Variants in GYG2 observed in about 807,000 individuals in gnomAD.
The protein encoded by GYG2 is glycogenin-2.
GYG2 carries 29 observed loss-of-function variants against 29.4 expected under a neutral mutation model. That is an observed-to-expected ratio of 0.99 (90% confidence interval 0.74 to 1.35). GYG2 has a LOEUF of 1.35. Among genes scored for constraint, GYG2 ranks in the 40% most tolerant of loss-of-function variants. The pLI, the probability that GYG2 is intolerant of heterozygous loss-of-function variation, is 0.00. For synonymous variants in GYG2, 167 were observed against 172.3 expected (o/e 0.97, Z 0.24); for missense variants, 370 against 385.7 (o/e 0.96, Z 0.34).
intron 8 of GYG2, among the ~76,000 whole-genome samples, chrX:2,866,265 CA>C (rs1344285520): frequency 1.8e-5 from 2 of 111,904 alleles, no homozygotes; most frequent in Non-Finnish European, 3.8e-5. Context: ...GAGGCTGAGG[CA>C]GGATGATTGC....
intron 2 of GYG2, among the ~76,000 whole-genome samples, chrX:2,831,963 C>T (rs2087273416): frequency 8.9e-6 from 1 of 112,345 alleles, no homozygotes; most frequent in Non-Finnish European, 1.9e-5. Flanking sequence ...CACTCCATGC[C>T]GTTGCTGAAA....
chrX:2,845,105 ACG>A (rs2087652828), intron 3 of GYG2, among the ~76,000 whole-genome samples: 3 of 78,141 alleles, frequency 3.8e-5, no homozygotes, highest in Admixed American at 2.9e-4. Context: ...ATTTATATAC[ACG>A]TGTGTATGTA....
At chrX:2,858,626 A>G (rs1254651210) in intron 6 of GYG2, among the ~76,000 whole-genome samples, 1 of 112,212 alleles carries the variant, frequency 8.9e-6, no homozygotes, top group Non-Finnish European at 1.9e-5. Flanking sequence ...GAATAATTCT[A>G]GAGTCTGCAT....
intron 4 of GYG2, 78 bp from the exon 5 acceptor site, chrX:2,854,915 G>T: frequency 8.9e-7 from 1 of 1,117,691 alleles, no homozygotes; most frequent in South Asian, 2.0e-5. Flanking sequence ...CTGGGCGACA[G>T]AGCAAGACTC....
chrX:2,831,101 G>A (rs1022901732), intron 2 of GYG2, among the ~76,000 whole-genome samples: 3 of 112,805 alleles, frequency 2.7e-5, no homozygotes, highest in Non-Finnish European at 5.6e-5. Context: ...TGTGAACAGA[G>A]TGTAACCTCT....
chrX:2,853,274 G>A (rs5939361), intron 3 of GYG2, among the ~76,000 whole-genome samples: 16,320 of 110,607 alleles, frequency 0.15, 984 homozygotes, highest in Admixed American at 0.26. Context: ...GCAGTGGTGC[G>A]ATCTCAGGTC....
chrX:2,868,797 C>A (rs1291396543), intron 8 of GYG2, among the ~76,000 whole-genome samples: 1 of 110,902 alleles, frequency 9.0e-6, no homozygotes, highest in Non-Finnish European at 1.9e-5. Context: ...TGTAACAAAC[C>A]TGCACATCCT....
intron 10 of GYG2, chrX:2,878,042 G>A: frequency 2.7e-6 from 2 of 744,347 alleles, no homozygotes; most frequent in Non-Finnish European, 3.2e-6. Context: ...TTCAAATGCA[G>A]CATTTTGAAC....
At chrX:2,852,612 G>T (rs957542746) in intron 3 of GYG2, 1 of 112,018 alleles carries the variant, frequency 8.9e-6, no homozygotes, top group African/African-American at 3.2e-5. Context: ...GATAGAGATT[G>T]TTATGGACAT....
intron 8 of GYG2, among the ~76,000 whole-genome samples, chrX:2,863,858 T>C (rs1380337878): frequency 1.8e-5 from 2 of 111,581 alleles, no homozygotes; most frequent in African/African-American, 3.3e-5. Context: ...ATTCCATCAG[T>C]GGAGCCCTTA....
intron 8 of GYG2, among the ~76,000 whole-genome samples, chrX:2,865,198 C>A (rs185739649): frequency 3.2e-4 from 36 of 111,447 alleles, no homozygotes; most frequent in African/African-American, 1.1e-3. Context: ...TGTCACAGCC[C>A]CTGAAAACAA....
chrX:2,871,993 G>T (rs1476464926), intron 8 of GYG2, among the ~76,000 whole-genome samples: 2 of 111,962 alleles, frequency 1.8e-5, no homozygotes, highest in African/African-American at 3.2e-5. Flanking sequence ...GGAACATTCT[G>T]TGTCTGCTGT....
At position 2,859,958 on chromosome X, in the gene GYG2, C is replaced by T; in HGVS notation, c.730C>T (p.His244Tyr). Reference protein sequence around the residue: ...LEQGSASSSQHQAAFLHLWWT... With the variant: ...LEQGSASSSQYQAAFLHLWWT... Reference sequence around the variant, plus strand: ...GCAAGGCTCAGCGTCCAGCAGCCAGCACCAGGCGGCATTCCTTCATCTCTG... The same window carrying T: ...GCAAGGCTCAGCGTCCAGCAGCCAGTACCAGGCGGCATTCCTTCATCTCTG... The change falls in exon 7 of 11, where the codon CAC (histidine) becomes TAC (tyrosine). Residue 244 changes from histidine (H) to tyrosine (Y), a missense_variant. Transcript: ENST00000398806. The T allele has an allele frequency of 8.3e-7, 1 of 1,199,866 alleles. No homozygotes were observed. Among genetic ancestry groups the T allele is most frequent in the Non-Finnish European group, 1.1e-6 (1 of 885,796 alleles).
chrX:2,839,699 G>T (rs756501614), intron 2 of GYG2, among the ~76,000 whole-genome samples: 1 of 111,414 alleles, frequency 9.0e-6, no homozygotes, highest in South Asian at 3.8e-4. Context: ...GATAGAGGTG[G>T]TGGATGTGCA....
chrX:2,840,852 A>T (rs1287867463), intron 2 of GYG2, among the ~76,000 whole-genome samples: 2 of 111,686 alleles, frequency 1.8e-5, no homozygotes, highest in Non-Finnish European at 3.8e-5. Context: ...GATAATAGAG[A>T]TACATGATAG....
At chrX:2,849,982 T>C (rs985970235) in intron 3 of GYG2, among the ~76,000 whole-genome samples, 7 of 110,965 alleles carry the variant, frequency 6.3e-5, no homozygotes, top group Admixed American at 4.8e-4. Flanking sequence ...CTGAGTGCAG[T>C]GGCACATGCC....
intron 7 of GYG2, among the ~76,000 whole-genome samples, chrX:2,860,638 T>G (rs1462068221): frequency 1.2e-5 from 1 of 82,306 alleles, no homozygotes; most frequent in Non-Finnish European, 2.4e-5. Flanking sequence ...AAAAAAAAAC[T>G]TGAGCTTTTT....
chrX:2,846,036 C>CACATATATATATAT (rs1199380183), intron 3 of GYG2, among the ~76,000 whole-genome samples: 6 of 33,043 alleles, frequency 1.8e-4, no homozygotes, highest in Non-Finnish European at 3.2e-4. Flanking sequence ...TATATATACA[C>CACATATATATATAT]ATATATATAT....
intron 3 of GYG2, among the ~76,000 whole-genome samples, chrX:2,851,697 C>G (rs1272354527): frequency 8.9e-6 from 1 of 112,137 alleles, no homozygotes; most frequent in Non-Finnish European, 1.9e-5. Context: ...TAAATTTCAT[C>G]ACCTGGATTA....
Sources: gnomAD v4.1 joint callset for allele counts (sites outside exome capture counted in the v4.1 genomes callset) on GRCh38, gnomAD v4.1.1 for gene constraint, MANE v1.5 for transcripts, NCBI Gene and HGNC (gene_info 2026-07-23, HGNC 2026-07-21) for gene names.